The following PPARA variants were observed in gnomAD, a reference collection of about 807,000 sequenced individuals.
PPARA encodes peroxisome proliferator activated receptor alpha.
Under a neutral mutation model 42.2 loss-of-function variants are expected in PPARA, and 22 were observed. That is an observed-to-expected ratio of 0.52 (90% CI 0.37 to 0.74). The LOEUF (loss-of-function observed/expected upper bound fraction) is 0.74, where lower values mean the gene tolerates loss of function less well. Among genes scored for constraint, PPARA ranks in the 30% least tolerant of loss-of-function variants. The pLI is 0.00. For missense variants in PPARA, 465 were observed against 608.2 expected (o/e 0.76, Z 2.48); for synonymous variants, 242 against 239.3 (o/e 1.01, Z -0.10).
At position 46,230,049 on chromosome 22, in the gene PPARA, T is replaced by G. The variant is rs1935759127; in HGVS notation, c.712-1743T>G. ...TAAATCCTGGGATGCTTCTGCGCTT[T>G]GGGCTCCACTGTTCCAGCAGTGATT... On this transcript the variant is annotated intron_variant, in intron 7 of 8. Transcript: ENST00000407236. The surrounding 1 kb of genome is among the most constrained non-coding windows in gnomAD (Gnocchi z 5.0). Among the ~76,000 whole-genome samples the G allele has an allele frequency of 6.6e-6, 1 of 152,240 alleles. No individual in the cohort carries two copies. Among genetic ancestry groups the G allele is most frequent in the African/African-American group, 2.4e-5 (1 of 41,460 alleles).
At position 46,161,510 on chromosome 22, in the gene PPARA, C is replaced by T. The variant is rs988030254; in HGVS notation, c.-127+9540C>T. On this transcript the variant is annotated intron_variant, in intron 2 of 8. Transcript: ENST00000407236. The surrounding 1 kb of genome is among the most constrained non-coding windows in gnomAD (Gnocchi z 4.8). Reference sequence around the variant, plus strand: ...CTGAGGCAGGAGAATCACTTGAACCCGGGAGGCGGAGGCTGCAGTGAACCA... The same window carrying T: ...CTGAGGCAGGAGAATCACTTGAACCTGGGAGGCGGAGGCTGCAGTGAACCA... Among the ~76,000 whole-genome samples, 10 of 152,034 alleles carry T rather than the reference C, an allele frequency of 6.6e-5. No individual in the cohort carries two copies. The highest frequency in any genetic ancestry group is 3.9e-4 in the East Asian group (2 of 5,192).
Position 46,192,678 on chromosome 22 carries a change from T to C in PPARA, c.-42-5664T>C, listed in dbSNP as rs1349542782. The stretch of plus-strand genomic sequence containing the variant: ...AAATGTCAAAAAGATACCTGCACTC[T>C]TGTTTGTTGCAACACTGTTTACAAT... On this transcript the variant is annotated intron_variant, in intron 3 of 8. Transcript: ENST00000407236. The surrounding 1 kb of genome is among the most constrained non-coding windows in gnomAD (Gnocchi z 4.3). Among the ~76,000 whole-genome samples, 1 of 152,220 alleles carries C rather than the reference T, an allele frequency of 6.6e-6. No individual in the cohort carries two copies. Among genetic ancestry groups the C allele is most frequent in the African/African-American group, 2.4e-5 (1 of 41,472 alleles).
intron 2 of PPARA, chr22:46,155,706 C>T (rs1294988792): frequency 2.0e-5 from 3 of 152,322 alleles, no homozygotes; most frequent in Admixed American, 6.5e-5. Flanking sequence ...CCAGAATAAG[C>T]TAGATCACCT....
In PPARA at chr22:46,215,353, G is replaced by C. The variant is rs1471283354; in HGVS notation, c.369+20G>C. 3 of 1,613,926 alleles carry C rather than the reference G, an allele frequency of 1.9e-6. No individual in the cohort carries two copies. In the African/African-American group the frequency reaches 4.0e-5, roughly 22 times the overall value. ...TGCAAGGTAGAGGGGAGCTGGAACA[G>C]GGCCTGGTGGCCGCCACCATCAACT... On this transcript the variant is annotated intron_variant, in intron 5 of 8. Transcript: ENST00000407236.
rs1482841694 is a variant in PPARA, at chr22:46,173,602, C to T, written c.-126-3151C>T. Reference sequence around the variant, plus strand: ...TATCATAAAAGACAAAGAAAAGCTGCGGAAATGTTTCAGATTAAAAGAGAG... The same window carrying T: ...TATCATAAAAGACAAAGAAAAGCTGTGGAAATGTTTCAGATTAAAAGAGAG... On this transcript the variant is annotated intron_variant, in intron 2 of 8. Transcript: ENST00000407236. The surrounding 1 kb of genome is among the most constrained non-coding windows in gnomAD (Gnocchi z 4.3). Among the ~76,000 whole-genome samples the T allele has an allele frequency of 6.6e-5, 10 of 151,970 alleles. No homozygotes were observed. Among genetic ancestry groups the T allele is most frequent in the African/African-American group, 1.7e-4 (7 of 41,360 alleles).
intron 2 of PPARA, among the ~76,000 whole-genome samples, chr22:46,174,595 T>A (rs1337013654): frequency 6.6e-6 from 1 of 152,008 alleles, no homozygotes; most frequent in East Asian, 1.9e-4. Context: ...GGTGGGAGGA[T>A]CACCTGAGCT....
chr22:46,179,583 A>C (rs1929652793), intron 3 of PPARA, among the ~76,000 whole-genome samples: 1 of 152,242 alleles, frequency 6.6e-6, no homozygotes, highest in Admixed American at 6.5e-5. Flanking sequence ...CAGAGATCTG[A>C]AGGTAAAATT....
At chr22:46,226,629 G>A (rs1440777357) in intron 7 of PPARA, among the ~76,000 whole-genome samples, 1 of 152,140 alleles carries the variant, frequency 6.6e-6, no homozygotes, top group Non-Finnish European at 1.5e-5. Context: ...AGCTAGACTG[G>A]CATGCAAGTT....
At chr22:46,177,933 G>A (rs967106634) in intron 3 of PPARA, among the ~76,000 whole-genome samples, 1 of 152,174 alleles carries the variant, frequency 6.6e-6, no homozygotes, top group African/African-American at 2.4e-5. Flanking sequence ...TACTCAAGAA[G>A]GCATATCTTG....
intron 5 of PPARA, 126 bp from the exon 6 acceptor site, chr22:46,218,137 A>G: frequency 7.6e-7 from 1 of 1,307,660 alleles, no homozygotes; most frequent in Non-Finnish European, 1.1e-6. Context: ...GCCTGGAATA[A>G]CTTTTCTCTA....
chr22:46,181,479 G>A (rs963499008), intron 3 of PPARA, among the ~76,000 whole-genome samples: 2 of 152,104 alleles, frequency 1.3e-5, no homozygotes, highest in Non-Finnish European at 2.9e-5. Flanking sequence ...GAGAGTGAGT[G>A]TGCATCACAA....
At position 46,227,450 on chromosome 22, in the gene PPARA, C is replaced by G. The variant is rs1410595739; in HGVS notation, c.712-4342C>G. On this transcript the variant is annotated intron_variant, in intron 7 of 8. Coordinates refer to ENST00000407236, the MANE Select transcript of PPARA (RefSeq NM_005036.6). The surrounding 1 kb of genome is among the most constrained non-coding windows in gnomAD (Gnocchi z 4.3). ...TATTTTTAGTAGACACGGGCTTTTG[C>G]CATGTTGGCCGGGCTGGTCTCGAAA... Among the ~76,000 whole-genome samples the G allele has an allele frequency of 6.6e-6, 1 of 152,204 alleles. No individual in the cohort carries two copies. Among genetic ancestry groups the G allele is most frequent in the African/African-American group, 2.4e-5 (1 of 41,448 alleles).
rs117794197 is a variant in PPARA at position 46,181,642 on chromosome 22, C to T, written c.-43+4806C>T. 3.5e-3 allele frequency among the ~76,000 whole-genome samples: 534 copies of T among 152,220 alleles called. 1 individual carries two copies. Among genetic ancestry groups the T allele is most frequent in the Non-Finnish European group, 5.5e-3 (372 of 68,006 alleles). ...AAGTGGAATGGCCTTCTTTTAATGT[C>T]GGGTGGCCAGCCGAGGGTACAATAA... On this transcript the variant is annotated intron_variant, in intron 3 of 8. Coordinates refer to ENST00000407236, the MANE Select transcript of PPARA (RefSeq NM_005036.6).
In PPARA at chr22:46,187,513, T is replaced by C. The variant is rs1038271719; in HGVS notation, c.-43+10677T>C. On this transcript the variant is annotated intron_variant, in intron 3 of 8. Transcript: ENST00000407236. This position sits in a 1 kb window ranked among gnomAD's most constrained non-coding sequence, Gnocchi z 4.9. The stretch of plus-strand genomic sequence containing the variant: ...TACCCAGGGCTGTCACCATCTTTTC[T>C]TGGGACAGTTACAACAGCCCCGTAA... Among the ~76,000 whole-genome samples the C allele has an allele frequency of 6.6e-6, 1 of 152,240 alleles. No individual in the cohort carries two copies. The highest frequency in any genetic ancestry group is 2.4e-5 in the African/African-American group (1 of 41,466).
rs911919762 is a variant in PPARA at position 46,216,597 on chromosome 22, C to T, written c.369+1264C>T. Among the ~76,000 whole-genome samples the T allele has an allele frequency of 6.6e-6, 1 of 152,176 alleles. No individual in the cohort carries two copies. Among genetic ancestry groups the T allele is most frequent in the African/African-American group, 2.4e-5 (1 of 41,452 alleles). ...AGCCCCCAGCAGCAGGGACTGGAACCAGAGACTGGCTGCTCCTGCTCCCCA... is the reference window on the plus strand; with the variant it reads ...AGCCCCCAGCAGCAGGGACTGGAACTAGAGACTGGCTGCTCCTGCTCCCCA... On this transcript the variant is annotated intron_variant, in intron 5 of 8. Coordinates refer to ENST00000407236, the MANE Select transcript of PPARA (RefSeq NM_005036.6). The surrounding 1 kb of genome is among the most constrained non-coding windows in gnomAD (Gnocchi z 4.5).
rs558936142 is a variant in PPARA at position 46,161,578 on chromosome 22, A to G, written c.-127+9608A>G. 3.9e-5 allele frequency among the ~76,000 whole-genome samples: 6 copies of G among 152,272 alleles called. No individual in the cohort carries two copies. The East Asian group carries it at 1.2e-3, about 29-fold the overall frequency. ...TCCAGCCTGGCAACAGCGAGACTCC[A>G]TCTCAAAAATAATAAGTAAATAAAT... On this transcript the variant is annotated intron_variant, in intron 2 of 8. Coordinates refer to ENST00000407236, the MANE Select transcript of PPARA (RefSeq NM_005036.6). This position sits in a 1 kb window ranked among gnomAD's most constrained non-coding sequence, Gnocchi z 4.8.
chr22:46,185,913 AAAAATATATATATATATATATAT>A (rs1253551631), intron 3 of PPARA, among the ~76,000 whole-genome samples: 5 of 57,268 alleles, frequency 8.7e-5, no homozygotes, highest in African/African-American at 4.2e-4. Context: ...AAAAAAAAAA[AAAAATATATATATATATATATAT>A]ATATATATAT....
intron 7 of PPARA, among the ~76,000 whole-genome samples, chr22:46,228,272 C>T (rs150950609): frequency 0.018 from 2,768 of 152,216 alleles, 72 homozygotes; most frequent in African/African-American, 0.063. Flanking sequence ...TGGTGGCTCA[C>T]GCCTGTAATC....
Position 46,211,112 on chromosome 22 carries a change from C to A in PPARA, c.209-4061C>A, listed in dbSNP as rs1469344771. 6.6e-6 allele frequency among the ~76,000 whole-genome samples: 1 copy of A among 152,150 alleles called. No individual in the cohort carries two copies. Among genetic ancestry groups the A allele is most frequent in the African/African-American group, 2.4e-5 (1 of 41,432 alleles). On this transcript the variant is annotated intron_variant, in intron 4 of 8. Transcript: ENST00000407236. The surrounding 1 kb of genome is among the most constrained non-coding windows in gnomAD (Gnocchi z 4.1). ...ATCCCTTTTTCAGGCTCTCAGCTGG[C>A]AGAGCAAATACATATATGTATACAT...
Sources: allele counts gnomAD v4.1 joint callset (sites outside exome capture counted in the v4.1 genomes callset), GRCh38; gene constraint gnomAD v4.1.1; non-coding constraint Gnocchi (gnomAD v3.1); transcripts MANE v1.5; gene names NCBI Gene and HGNC (gene_info 2026-07-23, HGNC 2026-07-21).